IPO9: variants seen among roughly 807,000 people sequenced by gnomAD.
IPO9 encodes importin-9.
Under a neutral mutation model 128.6 loss-of-function variants are expected in IPO9, and 28 were observed. The ratio of observed to expected loss-of-function variants is 0.22; its 90% confidence interval spans 0.16 to 0.30. IPO9 has a LOEUF of 0.30. Among genes scored for constraint, IPO9 ranks in the 10% least tolerant of loss-of-function variants. The pLI, the probability that IPO9 is intolerant of heterozygous loss-of-function variation, is 1.00. For synonymous variants in IPO9, 455 were observed against 475.8 expected (o/e 0.96, Z 0.57); for missense variants, 935 against 1,293.9 (o/e 0.72, Z 4.26).
Position 201,883,177 on chromosome 1 carries a change from C to CT in IPO9, c.*7123_*7124insT, listed in dbSNP as rs556710449. ...TAATTTGCTTTCACTAGATTCCCCC[C>CT]CCCCCAACAACTTAGTCCAAGAACA... On this transcript the variant is annotated 3_prime_UTR_variant, in exon 24 of 24. Coordinates refer to ENST00000361565, the MANE Select transcript of IPO9 (RefSeq NM_018085.5). 1.4e-5 allele frequency: 2 copies of CT among 148,000 alleles called. No individual in the cohort carries two copies. Among genetic ancestry groups the CT allele is most frequent in the Non-Finnish European group, 3.0e-5 (2 of 66,672 alleles). 9.2% of individuals were successfully genotyped at this position (148,000 alleles called of 1,614,324 possible).
intron 1 of IPO9, among the ~76,000 whole-genome samples, chr1:201,841,201 T>C (rs148928419): frequency 1.1e-4 from 16 of 152,312 alleles, no homozygotes; most frequent in Admixed American, 8.5e-4. Context: ...TAAAATAGTA[T>C]TTACAAATAG....
intron 9 of IPO9, 142 bp from the exon 10 acceptor site, chr1:201,855,641 C>T (rs577056158): frequency 2.7e-6 from 2 of 728,270 alleles, no homozygotes; most frequent in East Asian, 2.9e-5. Flanking sequence ...TCTGAGCCCT[C>T]TCTCCCAATT....
At chr1:201,834,515 C>T (rs929303795) in intron 1 of IPO9, among the ~76,000 whole-genome samples, 3 of 151,972 alleles carry the variant, frequency 2.0e-5, no homozygotes, top group South Asian at 2.1e-4. Flanking sequence ...AGTTCTTTCC[C>T]TCTTTTTCTA....
rs181113189 is a variant in IPO9 at position 201,840,585 on chromosome 1, A to G, written c.164-6694A>G. On this transcript the variant is annotated intron_variant, in intron 1 of 23. Transcript: ENST00000361565. ...AACATTTCAAAAATACATATTCACA[A>G]TATTATTCACTGCAGCATTTTTATT... 5.4e-4 allele frequency among the ~76,000 whole-genome samples: 83 copies of G among 152,300 alleles called. No homozygotes were observed. In the East Asian group the frequency reaches 0.014, roughly 26 times the overall value.
intron 6 of IPO9, 88 bp from the exon 7 acceptor site, chr1:201,854,506 GT>G (rs1680292045): frequency 6.6e-7 from 1 of 1,509,630 alleles, no homozygotes; most frequent in Admixed American, 1.9e-5. Context: ...AGAGCTTTAG[GT>G]GCCTTTCAAA....
intron 8 of IPO9, 82 bp from the exon 9 acceptor site, chr1:201,855,042 T>A: frequency 7.7e-7 from 1 of 1,297,474 alleles, no homozygotes; most frequent in South Asian, 1.3e-5. Context: ...GTGTCTACTT[T>A]TAGTGTTGGA....
At chr1:201,871,388 T>C (rs1680650240) in intron 19 of IPO9, 61 bp downstream of exon 19, 5 of 1,059,662 alleles carry the variant, frequency 4.7e-6, no homozygotes, top group South Asian at 1.9e-5. Context: ...TTTTTTTTTT[T>C]TTTTTTTTTT....
chr1:201,829,769 G>A (rs573274971), intron 1 of IPO9, among the ~76,000 whole-genome samples: 2 of 152,162 alleles, frequency 1.3e-5, no homozygotes, highest in Non-Finnish European at 2.9e-5. Context: ...TGGGATAAGA[G>A]TAGGGGGAGC....
Position 201,874,815 on chromosome 1 carries a change from T to G in IPO9, c.2834-17T>G. On this transcript the variant is annotated splice_polypyrimidine_tract_variant and intron_variant, in intron 21 of 23. Transcript: ENST00000361565. Reference sequence around the variant, plus strand: ...ATGAATGTGCTCTAGCTCTAGCTGCTTTTCATCTCCAAGTAGATGACTCCA... The same window carrying G: ...ATGAATGTGCTCTAGCTCTAGCTGCGTTTCATCTCCAAGTAGATGACTCCA... 1 of 1,542,414 alleles carries G rather than the reference T, an allele frequency of 6.5e-7. No homozygotes were observed. The highest frequency in any genetic ancestry group is 9.0e-7 in the Non-Finnish European group (1 of 1,114,588).
At chr1:201,849,311 C>G (rs1680176062) in intron 4 of IPO9, among the ~76,000 whole-genome samples, 1 of 152,176 alleles carries the variant, frequency 6.6e-6, no homozygotes, top group African/African-American at 2.4e-5. Context: ...AATCTGCTTT[C>G]ATATATCCTT....
At chr1:201,864,929 A>G (rs1040749823) in intron 14 of IPO9, among the ~76,000 whole-genome samples, 4 of 152,186 alleles carry the variant, frequency 2.6e-5, no homozygotes, top group Admixed American at 2.6e-4. Flanking sequence ...TTCTTGAGAG[A>G]TGTAACAGAT....
In IPO9 at chr1:201,877,676, C is replaced by G. The variant is rs941427853; in HGVS notation, c.*1622C>G. The stretch of plus-strand genomic sequence containing the variant: ...TGGTGTGTCACACCTGTAATCCCAG[C>G]ACTTACGGAGGCCGAAGCCAGCGGA... On this transcript the variant is annotated 3_prime_UTR_variant, in exon 24 of 24. Transcript: ENST00000361565. 1 of 152,166 alleles carries G rather than the reference C, an allele frequency of 6.6e-6. No individual in the cohort carries two copies. Among genetic ancestry groups the G allele is most frequent in the African/African-American group, 2.4e-5 (1 of 41,420 alleles). The allele number at this position is 152,166 out of a possible 1,614,324, so 9.4% of individuals were successfully genotyped here.
chr1:201,839,021 G>A (rs1679989456), intron 1 of IPO9, among the ~76,000 whole-genome samples: 4 of 151,218 alleles, frequency 2.6e-5, no homozygotes, highest in African/African-American at 9.7e-5. Context: ...CTGGATTCAA[G>A]CGATTCTCCT....
intron 1 of IPO9, among the ~76,000 whole-genome samples, chr1:201,833,393 C>T (rs909894390): frequency 2.6e-4 from 40 of 152,156 alleles, no homozygotes; most frequent in African/African-American, 9.6e-4. Context: ...CGCGTACCAA[C>T]ACGCCAGGCT....
rs1210257654 is a variant in IPO9, at chr1:201,879,554, GATA to G, written c.*3505_*3507del. 6.6e-6 allele frequency: 1 copy of G among 152,176 alleles called. No homozygotes were observed. The highest frequency in any genetic ancestry group is 1.5e-5 in the Non-Finnish European group (1 of 68,026). The allele number at this position is 152,176 out of a possible 1,614,324, so 9.4% of individuals were successfully genotyped here. A position where few individuals can be genotyped will look rare whatever the true frequency, so the allele number is the denominator to read the frequency against. On this transcript the variant is annotated 3_prime_UTR_variant, in exon 24 of 24. Coordinates refer to ENST00000361565, the MANE Select transcript of IPO9 (RefSeq NM_018085.5). ...ATTAGGAGTGCTGATCAAATTTTTA[GATA>G]ATAAGAAACCCTTAGGAAGGATGAC...
intron 17 of IPO9, 42 bp downstream of exon 17, chr1:201,869,760 C>T: frequency 6.2e-7 from 1 of 1,607,976 alleles, no homozygotes; most frequent in South Asian, 1.1e-5. Flanking sequence ...GATAGCTCCC[C>T]AGCCATGGGC....
chr1:201,878,983 A>T lies in IPO9; in HGVS notation c.*2929A>T, dbSNP rs1174570337. The stretch of plus-strand genomic sequence containing the variant: ...AAAAAGAGCACTTAGCTGCTCTGAG[A>T]CATTTTAGTCTCCTGACTGGTAAAC... On this transcript the variant is annotated 3_prime_UTR_variant, in exon 24 of 24. Coordinates refer to ENST00000361565, the MANE Select transcript of IPO9 (RefSeq NM_018085.5). 1 of 152,222 alleles carries T rather than the reference A, an allele frequency of 6.6e-6. No homozygotes were observed. Among genetic ancestry groups the T allele is most frequent in the Non-Finnish European group, 1.5e-5 (1 of 68,042 alleles). The allele number at this position is 152,222 out of a possible 1,614,324, so 9.4% of individuals were successfully genotyped here.
chr1:201,874,681 G>C, intron 21 of IPO9, 151 bp from the exon 22 acceptor site: 1 of 688,444 alleles, frequency 1.5e-6, no homozygotes, highest in South Asian at 1.7e-5. Flanking sequence ...GACTAACCAG[G>C]AGGGTTTGGC....
intron 1 of IPO9, among the ~76,000 whole-genome samples, chr1:201,846,331 C>T (rs2102873615): frequency 6.6e-6 from 1 of 152,236 alleles, no homozygotes; most frequent in South Asian, 2.1e-4. Flanking sequence ...TTAAGTTGTC[C>T]TCAGGAATAG....
Sources: allele counts gnomAD v4.1 joint callset (sites outside exome capture counted in the v4.1 genomes callset), GRCh38; gene constraint gnomAD v4.1.1; transcripts MANE v1.5; gene names NCBI Gene and HGNC (gene_info 2026-07-23, HGNC 2026-07-21).